Variants in ZEB2 observed in about 807,000 individuals in gnomAD.
The protein encoded by ZEB2 is zinc finger E-box-binding homeobox 2.
ZEB2 carries 6 observed loss-of-function variants against 99.9 expected under a neutral mutation model. That is an observed-to-expected ratio of 0.06 (90% confidence interval 0.03 to 0.12). The LOEUF (loss-of-function observed/expected upper bound fraction) is 0.12. Ranked by LOEUF, ZEB2 falls within the 10% of genes least tolerant of loss-of-function variation. ZEB2 has a pLI of 1.00. For missense variants in ZEB2, 969 were observed against 1,502.8 expected (o/e 0.64, Z 5.87); for synonymous variants, 517 against 542.5 (o/e 0.95, Z 0.65).
intron 9 of ZEB2, 106 bp downstream of exon 9, chr2:144,396,306 G>T: frequency 2.9e-6 from 4 of 1,385,202 alleles, no homozygotes; most frequent in Non-Finnish European, 2.1e-6. Flanking sequence ...CTTGTTGAAG[G>T]TATCAGCATA....
chr2:144,472,266 C>CA lies in ZEB2; in HGVS notation c.74-42241dup, dbSNP rs139417754. Among the ~76,000 whole-genome samples, 220 of 152,104 alleles carry CA rather than the reference C, an allele frequency of 1.4e-3. 1 individual carries two copies. The highest frequency in any genetic ancestry group is 5.0e-3 in the African/African-American group (208 of 41,504). On this transcript the variant is annotated intron_variant, in intron 2 of 9. Transcript: ENST00000627532. The stretch of plus-strand genomic sequence containing the variant: ...TCATAATGTTCTTTATAATCATCCT[C>CA]AAAAAGCATTTAAAGTCTTCATCTT...
intron 8 of ZEB2, chr2:144,397,982 C>G: frequency 2.8e-6 from 1 of 363,336 alleles, no homozygotes; most frequent in South Asian, 2.2e-5. Context: ...TAAACTTTAA[C>G]TTCTAGCACC....
At chr2:144,420,346 C>T (rs527261337) in intron 4 of ZEB2, among the ~76,000 whole-genome samples, 1 of 152,232 alleles carries the variant, frequency 6.6e-6, no homozygotes, top group South Asian at 2.1e-4. Flanking sequence ...CCTCCAGCCT[C>T]GACCTCCTGA....
In ZEB2 at chr2:144,517,759, A is replaced by G. The variant is rs372365302; in HGVS notation, c.-69-340T>C. 233 of 692,820 alleles carry G rather than the reference A, an allele frequency of 3.4e-4. 1 individual carries two copies. The East Asian group carries it at 5.9e-3, about 18-fold the overall frequency. The allele number at this position is 692,820 out of a possible 1,614,324, so 42.9% of individuals were successfully genotyped here. ...GGCTAGGCGGACCCTTTCCTTCGAAAAGTCCTCAGCCCCCGGCTCGGGAAC... is the reference window on the plus strand; with the variant it reads ...GGCTAGGCGGACCCTTTCCTTCGAAGAGTCCTCAGCCCCCGGCTCGGGAAC... On this transcript the variant is annotated intron_variant, in intron 1 of 9. Coordinates refer to ENST00000627532, the MANE Select transcript of ZEB2 (RefSeq NM_014795.4).
At chr2:144,424,983 T>G in intron 3 of ZEB2, 116 bp from the exon 4 acceptor site, 2 of 1,039,796 alleles carry the variant, frequency 1.9e-6, no homozygotes, top group Non-Finnish European at 2.9e-6. Flanking sequence ...AAAGGCTTGT[T>G]GTAGACCTCT....
chr2:144,397,350 C>T (rs970533823), intron 8 of ZEB2, among the ~76,000 whole-genome samples: 4 of 152,136 alleles, frequency 2.6e-5, no homozygotes, highest in African/African-American at 9.7e-5. Context: ...AATACATTTA[C>T]AAAGAGGGCA....
At chr2:144,452,842 A>T (rs886644350) in intron 2 of ZEB2, among the ~76,000 whole-genome samples, 1 of 152,180 alleles carries the variant, frequency 6.6e-6, no homozygotes, top group African/African-American at 2.4e-5. Flanking sequence ...ACGTGGGGAC[A>T]GGGGGGCTGG....
At chr2:144,477,370 A>G (rs1196030856) in intron 2 of ZEB2, among the ~76,000 whole-genome samples, 1 of 152,190 alleles carries the variant, frequency 6.6e-6, no homozygotes, top group African/African-American at 2.4e-5. Context: ...AGTCTACTTG[A>G]GTGTGTTTAT....
Position 144,429,873 on chromosome 2 carries a change from T to C in ZEB2, c.227A>G (p.Gln76Arg), listed in dbSNP as rs1212334195. Residue 76 changes from glutamine (Q) to arginine (R), a missense_variant, in exon 3 of 10, where the codon CAA (glutamine) becomes CGA (arginine). Around this residue, in one of 8 missense-constraint regions of ZEB2, gnomAD observed 173 missense variants for 217.7 expected, o/e 0.79. Transcript: ENST00000627532. Reference sequence around the variant, plus strand: ...CTCTTCCTCTCTTGGCAACAGAGCTTGGCTCACGTGTGGGGAGGACTCATG... The same window carrying C: ...CTCTTCCTCTCTTGGCAACAGAGCTCGGCTCACGTGTGGGGAGGACTCATG... ...PNHESSPHVSQALLPREEEED... is the reference protein window; with the variant it reads ...PNHESSPHVSRALLPREEEED... The C allele has an allele frequency of 2.5e-6, 4 of 1,613,838 alleles. No homozygotes were observed.
intron 2 of ZEB2, chr2:144,464,334 T>C (rs1268774081): frequency 6.6e-6 from 1 of 152,198 alleles, no homozygotes; most frequent in Non-Finnish European, 1.5e-5. Context: ...TTTAGGTGGT[T>C]TGTCTTTGCT....
At chr2:144,513,787 T>G (rs1397846209) in intron 2 of ZEB2, 1 of 1,536,148 alleles carries the variant, frequency 6.5e-7, no homozygotes, top group South Asian at 1.2e-5. Context: ...TGCTCATTTC[T>G]GACTCCAAGG....
intron 2 of ZEB2, among the ~76,000 whole-genome samples, chr2:144,515,191 C>CAA (rs1705109939): frequency 6.8e-6 from 1 of 147,398 alleles, no homozygotes; most frequent in Non-Finnish European, 1.5e-5. Flanking sequence ...ATCTCATTCT[C>CAA]TTTTTCTCTC....
chr2:144,481,004 T>C (rs1318700629), intron 2 of ZEB2, among the ~76,000 whole-genome samples: 1 of 152,196 alleles, frequency 6.6e-6, no homozygotes, highest in African/African-American at 2.4e-5. Context: ...TAGCATTATT[T>C]GTTAGTACCA....
chr2:144,470,605 C>T (rs1342188084), intron 2 of ZEB2: 1 of 152,102 alleles, frequency 6.6e-6, no homozygotes, highest in Non-Finnish European at 1.5e-5. Context: ...TTTCAAAAAA[C>T]ACTACATGAA....
intron 2 of ZEB2, among the ~76,000 whole-genome samples, chr2:144,505,766 C>T (rs1704944995): frequency 6.6e-6 from 1 of 152,214 alleles, no homozygotes; most frequent in Admixed American, 6.5e-5. Flanking sequence ...AAAGAACCTA[C>T]TGACACGTAT....
chr2:144,512,075 T>G, intron 2 of ZEB2: 1 of 1,287,186 alleles, frequency 7.8e-7, no homozygotes, highest in Non-Finnish European at 1.0e-6. Context: ...CTTGTGGGAA[T>G]GCGGGAATGA....
intron 4 of ZEB2, among the ~76,000 whole-genome samples, chr2:144,422,086 T>A (rs1483807303): frequency 2.0e-5 from 3 of 152,224 alleles, no homozygotes; most frequent in Non-Finnish European, 4.4e-5. Flanking sequence ...GTTGCTAATT[T>A]CATCACTGTC....
Position 144,387,494 on chromosome 2 carries a change from T to C in ZEB2, c.*1957A>G, listed in dbSNP as rs1703101351. On this transcript the variant is annotated 3_prime_UTR_variant, in exon 10 of 10. Coordinates refer to ENST00000627532, the MANE Select transcript of ZEB2 (RefSeq NM_014795.4). ...AAAATCACGGTTATTTTTGTTAGCA[T>C]TTGCTTTTAGCTTTTCCTCTCCCAC... 1 of 152,214 alleles carries C rather than the reference T, an allele frequency of 6.6e-6. No individual in the cohort carries two copies. Among genetic ancestry groups the C allele is most frequent in the African/African-American group, 2.4e-5 (1 of 41,468 alleles). The allele number at this position is 152,214 out of a possible 1,614,324, so 9.4% of individuals were successfully genotyped here.
At chr2:144,471,484 GT>G (rs1206622293) in intron 2 of ZEB2, among the ~76,000 whole-genome samples, 1 of 151,470 alleles carries the variant, frequency 6.6e-6, no homozygotes, top group African/African-American at 2.4e-5. Context: ...AGGGACAGAG[GT>G]AGTTATTGTC....
Sources: gnomAD v4.1 joint callset for allele counts (sites outside exome capture counted in the v4.1 genomes callset) on GRCh38, gnomAD v4.1.1 for gene constraint, gnomAD v4.1.1 regional missense constraint, MANE v1.5 for transcripts, NCBI Gene and HGNC (gene_info 2026-07-23, HGNC 2026-07-21) for gene names.